The following WDFY4 variants were observed in gnomAD, a reference collection of about 807,000 sequenced individuals.
WDFY4 encodes WDFY family member 4, also known as WD repeat- and FYVE domain-containing protein 4.
WDFY4 carries 169 observed loss-of-function variants against 351.9 expected under a neutral mutation model. The ratio of observed to expected loss-of-function variants is 0.48; its 90% confidence interval spans 0.42 to 0.55. WDFY4 has a LOEUF of 0.55. Ranked by LOEUF, WDFY4 falls within the 20% of genes least tolerant of loss-of-function variation. The probability of loss-of-function intolerance (pLI) is 0.00; values close to 1 mark genes in which losing one functional copy is unlikely to be tolerated. For synonymous variants in WDFY4, 1,622 were observed against 1,574.6 expected, an observed-to-expected ratio of 1.03 and a Z score of -0.71; for missense variants, 3,803 against 3,935.6, an observed-to-expected ratio of 0.97 and a Z score of 0.90.
At chr10:48,945,347 G>T (rs1840987363) in intron 49 of WDFY4, among the ~76,000 whole-genome samples, 1 of 152,196 alleles carries the variant, frequency 6.6e-6, no homozygotes. Context: ...CTCCATACCA[G>T]CCTGGGCAAC....
intron 1 of WDFY4, among the ~76,000 whole-genome samples, chr10:48,696,095 A>G (rs1385934440): frequency 6.6e-6 from 1 of 152,166 alleles, no homozygotes; most frequent in Admixed American, 6.5e-5. Context: ...GCATTGCCTC[A>G]GTCTCCTCGT....
chr10:48,941,959 TTTA>T (rs201828091), intron 48 of WDFY4, 111 bp downstream of exon 48: 571 of 1,002,152 alleles, frequency 5.7e-4, no homozygotes, highest in Non-Finnish European at 6.5e-4. Flanking sequence ...GATCTTATTA[TTTA>T]TTATTATTAT....
At chr10:48,952,307 A>C (rs1841366114) in intron 51 of WDFY4, among the ~76,000 whole-genome samples, 1 of 152,156 alleles carries the variant, frequency 6.6e-6, no homozygotes. Context: ...GGGCCAGCCT[A>C]CCCAATGCAG....
At chr10:48,713,945 C>T (rs2063831114) in intron 2 of WDFY4, among the ~76,000 whole-genome samples, 1 of 152,228 alleles carries the variant, frequency 6.6e-6, no homozygotes, top group African/African-American at 2.4e-5. Context: ...TAAACTCAGG[C>T]ACCCTGATGC....
At chr10:48,964,555 T>A (rs1841995610) in intron 54 of WDFY4, among the ~76,000 whole-genome samples, 1 of 152,192 alleles carries the variant, frequency 6.6e-6, no homozygotes, top group Admixed American at 6.5e-5. Flanking sequence ...CTAACAGCAG[T>A]CAACAGAGGT....
At chr10:48,725,721 G>A (rs1489723028) in intron 5 of WDFY4, among the ~76,000 whole-genome samples, 160 bp from the exon 6 acceptor site, 1 of 152,180 alleles carries the variant, frequency 6.6e-6, no homozygotes, top group Non-Finnish European at 1.5e-5. Flanking sequence ...AGGGGGCTCT[G>A]TTGACCCTGC....
intron 37 of WDFY4, among the ~76,000 whole-genome samples, chr10:48,829,540 A>G (rs1369453731): frequency 6.6e-6 from 1 of 152,150 alleles, no homozygotes; most frequent in African/African-American, 2.4e-5. Flanking sequence ...TTACCTAGTC[A>G]TATGTTGTAA....
At chr10:48,813,603 C>T (rs1373948616) in intron 30 of WDFY4, among the ~76,000 whole-genome samples, 1 of 152,166 alleles carries the variant, frequency 6.6e-6, no homozygotes, top group Admixed American at 6.5e-5. Flanking sequence ...CTCTCTATAC[C>T]TCTACATGCT....
chr10:48,703,378 G>A (rs1048467729), intron 1 of WDFY4, among the ~76,000 whole-genome samples: 5 of 152,324 alleles, frequency 3.3e-5, no homozygotes, highest in Middle Eastern at 3.4e-3. Context: ...CAGCTCCAAG[G>A]CCTGAGGGCC....
chr10:48,938,959 C>A (rs1187611582), intron 47 of WDFY4, among the ~76,000 whole-genome samples: 1 of 152,212 alleles, frequency 6.6e-6, no homozygotes, highest in Non-Finnish European at 1.5e-5. Flanking sequence ...GTAACCGCCA[C>A]AATCCTCACT....
At chr10:48,962,111 C>A (rs1841884538) in intron 53 of WDFY4, among the ~76,000 whole-genome samples, 1 of 152,222 alleles carries the variant, frequency 6.6e-6, no homozygotes, top group African/African-American at 2.4e-5. Context: ...CTGTCCTGGC[C>A]TATGATCTGC....
intron 39 of WDFY4, among the ~76,000 whole-genome samples, chr10:48,840,218 G>A (rs541061265): frequency 3.3e-5 from 5 of 152,122 alleles, no homozygotes; most frequent in East Asian, 1.9e-4. Context: ...GCAGGCAGCC[G>A]TGCTTCCTAC....
Position 48,880,349 on chromosome 10 carries a change from G to A in WDFY4, c.7167+3150G>A, listed in dbSNP as rs534646165. On this transcript the variant is annotated intron_variant, in intron 43 of 61. Transcript: ENST00000325239. ...TCCTCAGGGATCTTGCTGGGGGAGC[G>A]GCAAGAGTCTGAAGCCCCCAGGTGA... 4.6e-5 allele frequency among the ~76,000 whole-genome samples: 7 copies of A among 152,268 alleles called. No homozygotes were observed. The South Asian group carries it at 6.2e-4, about 14-fold the overall frequency.
chr10:48,868,608 A>G (rs1247700035), intron 40 of WDFY4, among the ~76,000 whole-genome samples: 1 of 152,220 alleles, frequency 6.6e-6, no homozygotes, highest in East Asian at 1.9e-4. Flanking sequence ...AGGGATAGCA[A>G]TATGGCTGAT....
chr10:48,776,882 C>T lies in WDFY4; in HGVS notation c.2996C>T (p.Ala999Val), dbSNP rs568244681. The T allele has an allele frequency of 7.9e-5, 123 of 1,551,832 alleles. No individual in the cohort carries two copies. The highest frequency in any genetic ancestry group is 9.9e-5 in the Non-Finnish European group (114 of 1,147,054). Residue 999 changes from alanine (A) to valine (V), a missense_variant, in exon 16 of 62, where the codon GCG becomes GTG. Physicochemically the swap from Ala to Val is moderately conservative, Grantham distance 64 (BLOSUM62 0). Coordinates refer to ENST00000325239, the MANE Select transcript of WDFY4 (RefSeq NM_001394531.1). Reference protein sequence around the residue: ...SQDSTTALQTALSLISMTSPR... With the variant: ...SQDSTTALQTVLSLISMTSPR... ...GATTCAACTACTGCTCTTCAGACGG[C>T]GCTGAGCCTCATCTCCATGACCTCC...
intron 47 of WDFY4, among the ~76,000 whole-genome samples, chr10:48,934,493 A>T (rs550966251): frequency 1.3e-5 from 2 of 152,288 alleles, no homozygotes; most frequent in African/African-American, 4.8e-5. Flanking sequence ...TTTTCCCATT[A>T]TACCTGTCAT....
At chr10:48,839,155 T>A (rs1564405881) in intron 39 of WDFY4, among the ~76,000 whole-genome samples, 1 of 151,676 alleles carries the variant, frequency 6.6e-6, no homozygotes, top group Non-Finnish European at 1.5e-5. Flanking sequence ...GTACTGGGAG[T>A]GAGAATGGAT....
At chr10:48,839,999 T>C (rs115172769) in intron 39 of WDFY4, among the ~76,000 whole-genome samples, 1,621 of 152,310 alleles carry the variant, frequency 0.011, 28 homozygotes, top group African/African-American at 0.037. Context: ...TCTCTCCCAG[T>C]CTGGCCTGAG....
At chr10:48,847,847 C>T (rs2133156604) in intron 39 of WDFY4, among the ~76,000 whole-genome samples, 1 of 152,146 alleles carries the variant, frequency 6.6e-6, no homozygotes, top group South Asian at 2.1e-4. Flanking sequence ...TCGAAAAAGA[C>T]AAATTAGAAA....
Sources: allele counts gnomAD v4.1 joint callset (sites outside exome capture counted in the v4.1 genomes callset), GRCh38; gene constraint gnomAD v4.1.1; transcripts MANE v1.5; gene names NCBI Gene and HGNC (gene_info 2026-07-23, HGNC 2026-07-21).